The following LMNB1 variants were observed in gnomAD, a reference collection of about 807,000 sequenced individuals.
The protein encoded by LMNB1 is lamin B1.
A neutral mutation model predicts 67.1 loss-of-function variants in LMNB1; 23 were observed. The ratio of observed to expected loss-of-function variants is 0.34; its 90% CI spans 0.25 to 0.49. The LOEUF (loss-of-function observed/expected upper bound fraction) is 0.49. LMNB1 is among the 20% of genes least tolerant of loss of function. The pLI is 0.99. For synonymous variants in LMNB1, 281 were observed against 282.9 expected (o/e 0.99, Z 0.07); for missense variants, 634 against 746.5 (o/e 0.85, Z 1.76).
intron 9 of LMNB1, among the ~76,000 whole-genome samples, chr5:126,826,768 T>C (rs1162402618): frequency 6.6e-6 from 1 of 152,214 alleles, no homozygotes; most frequent in Non-Finnish European, 1.5e-5. Context: ...TTCCTCCTTG[T>C]CTTTCCCTAG....
At chr5:126,788,291 C>G (rs1056647358) in intron 1 of LMNB1, among the ~76,000 whole-genome samples, 9 of 144,428 alleles carry the variant, frequency 6.2e-5, no homozygotes, top group Admixed American at 4.9e-4. Flanking sequence ...GGAAAGCATG[C>G]GCATATGAGG....
chr5:126,783,077 T>C (rs1750671464), intron 1 of LMNB1, among the ~76,000 whole-genome samples: 1 of 151,618 alleles, frequency 6.6e-6, no homozygotes, highest in Non-Finnish European at 1.5e-5. Context: ...TGCACGCCTG[T>C]AATCCCAGCT....
chr5:126,829,898 G>A (rs532927940), intron 9 of LMNB1, among the ~76,000 whole-genome samples: 2 of 152,054 alleles, frequency 1.3e-5, no homozygotes, highest in Non-Finnish European at 2.9e-5. Flanking sequence ...CAGGAGGGAG[G>A]GGGCACTGGG....
At chr5:126,831,363 A>G (rs1433023233) in intron 9 of LMNB1, among the ~76,000 whole-genome samples, 5 of 152,246 alleles carry the variant, frequency 3.3e-5, no homozygotes, top group African/African-American at 4.8e-5. Context: ...AAGCAAAAAC[A>G]CTGCTGCATT....
At chr5:126,780,585 A>T (rs1750606545) in intron 1 of LMNB1, among the ~76,000 whole-genome samples, 1 of 152,258 alleles carries the variant, frequency 6.6e-6, no homozygotes, top group Non-Finnish European at 1.5e-5. Context: ...AGGGAATAAA[A>T]ATAAAGCGGA....
intron 1 of LMNB1, among the ~76,000 whole-genome samples, chr5:126,798,408 C>G (rs1751165893): frequency 6.6e-6 from 1 of 152,184 alleles, no homozygotes; most frequent in Non-Finnish European, 1.5e-5. Context: ...CGAGATCGCG[C>G]TACTGCACTC....
intron 1 of LMNB1, among the ~76,000 whole-genome samples, chr5:126,797,544 C>G (rs1451531187): frequency 6.6e-6 from 1 of 152,138 alleles, no homozygotes; most frequent in Admixed American, 6.5e-5. Flanking sequence ...GAGGCATTGT[C>G]AGATGTCATT....
chr5:126,810,159 T>A, intron 3 of LMNB1, 21 bp from the exon 4 acceptor site: 1 of 1,599,960 alleles, frequency 6.3e-7, no homozygotes, highest in Non-Finnish European at 8.6e-7. Context: ...CTTGGCTTTA[T>A]GCTTTTTGTT....
chr5:126,807,853 G>GTTTTGT (rs11272186), intron 3 of LMNB1, among the ~76,000 whole-genome samples: 2,241 of 145,458 alleles, frequency 0.015, 20 homozygotes, highest in African/African-American at 0.023. Context: ...GTCCTCTTCA[G>GTTTTGT]TTTTGTTTTT....
At position 126,826,068 on chromosome 5, in the gene LMNB1, C is replaced by T. The variant is rs182569011; in HGVS notation, c.1572C>T (p.Gly524=). 3.4e-5 allele frequency: 55 copies of T among 1,613,790 alleles called. No homozygotes were observed. Among genetic ancestry groups the T allele is most frequent in the African/African-American group, 3.2e-4 (24 of 74,970 alleles). The change falls in exon 9 of 11, where the codon GGC becomes GGT. Residue 524 remains glycine (G), a synonymous_variant. Transcript: ENST00000261366. ...IWKNQNSWGT[G]EDVKVILKNS... The stretch of plus-strand genomic sequence containing the variant: ...AGAACCAGAACTCGTGGGGCACTGG[C>T]GAAGATGTGAAGGTTATATTGAAAA...
intron 10 of LMNB1, 44 bp from the exon 11 acceptor site, chr5:126,836,179 T>G: frequency 6.9e-7 from 1 of 1,445,874 alleles, no homozygotes; most frequent in Non-Finnish European, 9.7e-7. Context: ...AATACTGTGA[T>G]CTATTTCTTT....
intron 1 of LMNB1, among the ~76,000 whole-genome samples, chr5:126,778,531 AG>A (rs983177203): frequency 5.3e-5 from 8 of 152,204 alleles, no homozygotes; most frequent in African/African-American, 1.4e-4. Flanking sequence ...GCCTCCAGCC[AG>A]CCCCGGGCAA....
intron 1 of LMNB1, among the ~76,000 whole-genome samples, chr5:126,780,896 T>C (rs1409008246): frequency 6.6e-6 from 1 of 152,200 alleles, no homozygotes. Flanking sequence ...TGCAGACTTT[T>C]TGAAGATATT....
At chr5:126,812,892 G>A (rs1751614399) in intron 5 of LMNB1, among the ~76,000 whole-genome samples, 3 of 151,724 alleles carry the variant, frequency 2.0e-5, no homozygotes, top group Non-Finnish European at 4.4e-5. Context: ...CACCACGCCC[G>A]GCTAATTTTT....
rs1344885633 is a variant in LMNB1 at position 126,777,318 on chromosome 5, C to G, written c.-191C>G. 2.2e-6 allele frequency: 1 copy of G among 447,838 alleles called. No homozygotes were observed. The highest frequency in any genetic ancestry group is 3.6e-6 in the Non-Finnish European group (1 of 277,048). The allele number at this position is 447,838 out of a possible 1,614,324, so 27.7% of individuals were successfully genotyped here. On this transcript the variant is annotated 5_prime_UTR_variant, in exon 1 of 11. Coordinates refer to ENST00000261366, the MANE Select transcript of LMNB1 (RefSeq NM_005573.4). ...GATTGATTCGTAGTTCCCCCCCGCG[C>G]GCCTTTGCCCTTTGTGCTGTAATCG...
At chr5:126,796,786 C>CTTTTTTTTT (rs34534973) in intron 1 of LMNB1, among the ~76,000 whole-genome samples, 11 of 118,748 alleles carry the variant, frequency 9.3e-5, no homozygotes, top group East Asian at 2.5e-4. Context: ...TTTTTTCTTT[C>CTTTTTTTTT]TTTTTTTTTT....
intron 8 of LMNB1, 41 bp downstream of exon 8, chr5:126,822,926 T>G (rs1281848287): frequency 7.7e-7 from 1 of 1,304,728 alleles, no homozygotes; most frequent in Non-Finnish European, 1.1e-6. Flanking sequence ...CTTCATTGTG[T>G]TAACTAACAA....
rs1432008614 is a variant in LMNB1, at chr5:126,810,181, A to C, written c.644A>C (p.Glu215Ala). ...TTATGCTTTTTGTTTTTTCCCCAGGAGATTAACGAGACCAGAAGGAAGCAT... is the reference window on the plus strand; with the variant it reads ...TTATGCTTTTTGTTTTTTCCCCAGGCGATTAACGAGACCAGAAGGAAGCAT... ...LEFRKSMYEE[E>A]INETRRKHET... is the part of the protein sequence containing the mutation. Residue 215 changes from glutamate to alanine, a missense_variant and splice_region_variant, in exon 4 of 11, where the codon GAG becomes GCG. Coordinates refer to ENST00000261366, the MANE Select transcript of LMNB1 (RefSeq NM_005573.4). The C allele has an allele frequency of 6.2e-7, 1 of 1,609,646 alleles. No homozygotes were observed. Among genetic ancestry groups the C allele is most frequent in the Admixed American group, 1.7e-5 (1 of 59,948 alleles).
intron 1 of LMNB1, among the ~76,000 whole-genome samples, chr5:126,784,826 A>AT (rs1004469344): frequency 3.5e-5 from 5 of 143,980 alleles, no homozygotes; most frequent in Admixed American, 7.1e-5. Flanking sequence ...CGCCGGGCTA[A>AT]TTTTTTTTTA....
Sources: allele counts gnomAD v4.1 joint callset (sites outside exome capture counted in the v4.1 genomes callset), GRCh38; gene constraint gnomAD v4.1.1; transcripts MANE v1.5; gene names NCBI Gene and HGNC (gene_info 2026-07-23, HGNC 2026-07-21).